The following TTC17 variants were observed in gnomAD, a reference collection of about 807,000 sequenced individuals.
The protein encoded by TTC17 is tetratricopeptide repeat protein 17.
In TTC17, 58 loss-of-function variants were observed where a neutral mutation model predicts 143.8. That is an observed-to-expected ratio of 0.40 (90% CI 0.33 to 0.50). The LOEUF (loss-of-function observed/expected upper bound fraction) is 0.50. Ranked by LOEUF, TTC17 falls within the 20% of genes least tolerant of loss-of-function variation. The pLI is 0.49. For synonymous variants in TTC17, 501 were observed against 497.8 expected, an observed-to-expected ratio of 1.01 and a Z score of -0.09; for missense variants, 1,273 against 1,392.5, an observed-to-expected ratio of 0.91 and a Z score of 1.37.
In TTC17 at chr11:43,358,968, T is replaced by A. The variant is rs769751095; in HGVS notation, c.14T>A (p.Val5Glu). The A allele has an allele frequency of 3.9e-5, 62 of 1,578,178 alleles. No individual in the cohort carries two copies. The highest frequency in any genetic ancestry group is 5.1e-5 in the Non-Finnish European group (59 of 1,163,104). MAAA[V>E]GVRGRYELPP... is the part of the protein sequence containing the mutation. ...CGGGGGGGCAAGATGGCGGCGGCAGTAGGGGTTCGTGGCCGGTACGAGCTG... is the reference window on the plus strand; with the variant it reads ...CGGGGGGGCAAGATGGCGGCGGCAGAAGGGGTTCGTGGCCGGTACGAGCTG... Residue 5 changes from valine (V) to glutamate (E), a missense_variant, in exon 1 of 24, where the codon GTA (valine) becomes GAA (glutamate). Transcript: ENST00000039989.
chr11:43,383,509 C>T (rs912125218), intron 2 of TTC17, among the ~76,000 whole-genome samples: 2 of 151,594 alleles, frequency 1.3e-5, no homozygotes, highest in Non-Finnish European at 2.9e-5. Flanking sequence ...TGTGCCACCA[C>T]GCCTGGCTAA....
At chr11:43,410,137 G>A (rs2134605680) in intron 15 of TTC17, among the ~76,000 whole-genome samples, 1 of 152,290 alleles carries the variant, frequency 6.6e-6, no homozygotes, top group African/African-American at 2.4e-5. Context: ...ACAGGTGTGA[G>A]CCCTTATGCC....
At chr11:43,397,543 T>TC in intron 7 of TTC17, 52 bp downstream of exon 7, 1 of 1,483,016 alleles carries the variant, frequency 6.7e-7, no homozygotes, top group Non-Finnish European at 9.0e-7. Context: ...CTTTCTTTTT[T>TC]TTTTTTTTTT....
chr11:43,432,227 C>T (rs1947175315), intron 16 of TTC17, among the ~76,000 whole-genome samples: 1 of 5,136 alleles, frequency 1.9e-4, no homozygotes, highest in East Asian at 0.25. Flanking sequence ...GGAGACTTTA[C>T]TTTGACAAGT....
At chr11:43,362,649 T>G (rs1856164438) in intron 1 of TTC17, among the ~76,000 whole-genome samples, 1 of 152,194 alleles carries the variant, frequency 6.6e-6, no homozygotes. Flanking sequence ...CTTTCTTTAT[T>G]GCCCAGGCTG....
chr11:43,468,349 T>A (rs1475684603), intron 21 of TTC17: 2 of 152,212 alleles, frequency 1.3e-5, no homozygotes, highest in Non-Finnish European at 2.9e-5. Context: ...AATAAACCTT[T>A]ACATAGATGG....
chr11:43,431,059 G>A (rs1947146985), intron 16 of TTC17, among the ~76,000 whole-genome samples: 1 of 152,122 alleles, frequency 6.6e-6, no homozygotes. Flanking sequence ...TGTTGAGAAT[G>A]ATGGTTTCCA....
intron 16 of TTC17, among the ~76,000 whole-genome samples, chr11:43,426,925 A>G (rs986691591): frequency 6.6e-6 from 1 of 152,212 alleles, no homozygotes; most frequent in Non-Finnish European, 1.5e-5. Context: ...TCAAGGAGCT[A>G]GGAGAGTCTT....
At chr11:43,476,726 G>GC (rs1394360866) in intron 21 of TTC17, among the ~76,000 whole-genome samples, 1 of 152,220 alleles carries the variant, frequency 6.6e-6, no homozygotes, top group Non-Finnish European at 1.5e-5. Flanking sequence ...CCTGGGCCCA[G>GC]CCCACAAAAC....
In TTC17 at chr11:43,490,324, G is replaced by T; in HGVS notation, c.3116G>T (p.Arg1039Leu). The T allele has an allele frequency of 1.2e-6, 2 of 1,612,680 alleles. No individual in the cohort carries two copies. Among genetic ancestry groups the T allele is most frequent in the Non-Finnish European group, 1.7e-6 (2 of 1,179,206 alleles). ...GGAAAGAAGGCAATCGACTGCCTCCGCCAGGCTCTGCACTATGCGCCACAC... is the reference window on the plus strand; with the variant it reads ...GGAAAGAAGGCAATCGACTGCCTCCTCCAGGCTCTGCACTATGCGCCACAC... ...GQGKKAIDCL[R>L]QALHYAPHQM... The change falls in exon 22 of 24, where the codon CGC (arginine) becomes CTC (leucine). Residue 1039 changes from arginine to leucine, a missense_variant. Coordinates refer to ENST00000039989, the MANE Select transcript of TTC17 (RefSeq NM_018259.6).
At position 43,494,003 on chromosome 11, in the gene TTC17, G is replaced by C. The variant is rs1321338229; in HGVS notation, c.*99G>C. ...TCAGTATCTACTATTAATGATGTGT[G>C]TGAAAATAACTAAGACTTATAACAG... is the stretch of plus-strand genomic sequence containing the variant. On this transcript the variant is annotated 3_prime_UTR_variant, in exon 24 of 24. Transcript: ENST00000039989. The C allele has an allele frequency of 7.1e-7, 1 of 1,413,692 alleles. No individual in the cohort carries two copies. The highest frequency in any genetic ancestry group is 2.4e-5 in the Admixed American group (1 of 41,338). The allele number at this position is 1,413,692 out of a possible 1,614,324, so 87.6% of individuals were successfully genotyped here.
At chr11:43,481,738 T>G (rs552395114) in intron 21 of TTC17, among the ~76,000 whole-genome samples, 2 of 152,186 alleles carry the variant, frequency 1.3e-5, no homozygotes, top group Admixed American at 1.3e-4. Context: ...AATCCTGATA[T>G]TGGTACTTTG....
chr11:43,412,419 T>C (rs1037116999), intron 15 of TTC17, among the ~76,000 whole-genome samples: 2 of 152,114 alleles, frequency 1.3e-5, no homozygotes, highest in Non-Finnish European at 2.9e-5. Flanking sequence ...GCCCAGGAGT[T>C]CCAGACCAGC....
chr11:43,365,638 C>G (rs1856307015), intron 1 of TTC17, among the ~76,000 whole-genome samples: 3 of 152,288 alleles, frequency 2.0e-5, no homozygotes, highest in Admixed American at 2.0e-4. Context: ...CATACTCACC[C>G]TTTAGATAAG....
chr11:43,421,961 A>G (rs1946916604), intron 16 of TTC17, among the ~76,000 whole-genome samples: 1 of 151,950 alleles, frequency 6.6e-6, no homozygotes, highest in Non-Finnish European at 1.5e-5. Context: ...ACTGATTTAC[A>G]TCTTAACATA....
At position 43,391,569 on chromosome 11, in the gene TTC17, A is replaced by C; in HGVS notation, c.524A>C (p.His175Pro). 6.4e-7 allele frequency: 1 copy of C among 1,562,300 alleles called. No individual in the cohort carries two copies. The highest frequency in any genetic ancestry group is 8.6e-7 in the Non-Finnish European group (1 of 1,161,604). ...CCATATAGTATACATGCTTTTCAGC[A>C]CTTGAGAGTAAGTAGAGAACTTTAG... The part of the protein sequence containing the change: ...ELPYSIHAFQ[H>P]LRGVQERVNL... The change falls in exon 4 of 24, where the codon CAC (histidine) becomes CCC (proline). Residue 175 changes from histidine to proline, a missense_variant. By Grantham distance (77) the His-to-Pro change is moderately conservative (BLOSUM62 -2). Coordinates refer to ENST00000039989, the MANE Select transcript of TTC17 (RefSeq NM_018259.6).
intron 21 of TTC17, among the ~76,000 whole-genome samples, chr11:43,481,262 C>T (rs1948281826): frequency 6.6e-6 from 1 of 152,094 alleles, no homozygotes; most frequent in Non-Finnish European, 1.5e-5. Context: ...TTAGAAATTG[C>T]AAATCTGTCA....
At chr11:43,409,538 A>G (rs2134603278) in intron 15 of TTC17, among the ~76,000 whole-genome samples, 1 of 152,346 alleles carries the variant, frequency 6.6e-6, no homozygotes, top group South Asian at 2.1e-4. Context: ...AATACTAAGC[A>G]TCTTACATGT....
intron 1 of TTC17, among the ~76,000 whole-genome samples, chr11:43,367,652 T>A (rs1299601844): frequency 1.3e-5 from 2 of 152,104 alleles, no homozygotes; most frequent in East Asian, 3.9e-4. Flanking sequence ...GAGCAGGGTG[T>A]AAGCTAAAAC....
Sources: allele counts gnomAD v4.1 joint callset (sites outside exome capture counted in the v4.1 genomes callset), GRCh38; gene constraint gnomAD v4.1.1; transcripts MANE v1.5; gene names NCBI Gene and HGNC (gene_info 2026-07-23, HGNC 2026-07-21).